Variants in FBXO11 observed in about 807,000 individuals in gnomAD.
FBXO11 encodes F-box only protein 11.
A neutral mutation model predicts 117.0 loss-of-function variants in FBXO11; 13 were observed. The ratio of observed to expected loss-of-function variants is 0.11; its 90% confidence interval spans 0.07 to 0.18. The LOEUF (loss-of-function observed/expected upper bound fraction) is 0.18, where lower values mean the gene tolerates loss of function less well. Ranked by LOEUF, FBXO11 falls within the 10% of genes least tolerant of loss-of-function variation. FBXO11 has a pLI of 1.00. For missense variants in FBXO11, 767 were observed against 1,164.4 expected, an observed-to-expected ratio of 0.66 and a Z score of 4.97; for synonymous variants, 490 against 380.5, an observed-to-expected ratio of 1.29 and a Z score of -3.35.
chr2:47,885,911 C>T (rs1022793815), intron 1 of FBXO11, among the ~76,000 whole-genome samples: 2 of 151,140 alleles, frequency 1.3e-5, no homozygotes, highest in African/African-American at 2.4e-5. Context: ...TTAAGTACCC[C>T]CACTATCTCT....
At chr2:47,856,855 G>T (rs1006962839) in intron 1 of FBXO11, among the ~76,000 whole-genome samples, 2 of 152,178 alleles carry the variant, frequency 1.3e-5, no homozygotes, top group African/African-American at 4.8e-5. Context: ...CACGAATGTC[G>T]TAATACAAAG....
rs763061861 is a variant in FBXO11 at position 47,813,265 on chromosome 2, A to G, written c.2196T>C (p.Asp732=). ...CCCCATTAAATATACAGATGCCACC[A>G]TCTCTTCCATCATGGATTTTATTTC... The part of the protein sequence containing the change: ...LRRNKIHDGR[D]GGICIFNGGR... Residue 732 remains aspartate (D), a synonymous_variant, in exon 18 of 23, where the codon GAT becomes GAC. Coordinates refer to ENST00000403359, the MANE Select transcript of FBXO11 (RefSeq NM_001190274.2). 1.1e-5 allele frequency: 18 copies of G among 1,613,420 alleles called. No homozygotes were observed. The highest frequency in any genetic ancestry group is 1.5e-5 in the Non-Finnish European group (18 of 1,179,690).
At chr2:47,813,083 G>T in intron 18 of FBXO11, 151 bp downstream of exon 18, 2 of 796,328 alleles carry the variant, frequency 2.5e-6, no homozygotes, top group Non-Finnish European at 4.4e-6. Context: ...TTAACTCTAG[G>T]CACTAATCTC....
intron 1 of FBXO11, among the ~76,000 whole-genome samples, chr2:47,893,671 A>C (rs1052732328): frequency 2.6e-5 from 4 of 152,240 alleles, no homozygotes; most frequent in Non-Finnish European, 2.9e-5. Context: ...TAACAAATTC[A>C]AACCTTGCTG....
Position 47,905,620 on chromosome 2 carries a change from T to TGCG in FBXO11, c.98_100dup (p.Pro33dup), listed in dbSNP as rs774225364. The TGCG allele has an allele frequency of 4.4e-6, 6 of 1,369,200 alleles. No individual in the cohort carries two copies. The highest frequency in any genetic ancestry group is 1.7e-5 in the South Asian group (1 of 59,702). The allele number at this position is 1,369,200 out of a possible 1,614,324, so 84.8% of individuals were successfully genotyped here. A position where few individuals can be genotyped will look rare whatever the true frequency, so the allele number is the denominator to read the frequency against. ...CTGGGGCGGCTGCTGCTGGGGCGGC[T>TGCG]GCGGCGGCGGCTGCTGCGGGGGCTG... On this transcript the variant is annotated inframe_insertion, in exon 1 of 23. Transcript: ENST00000403359.
At chr2:47,868,771 C>A (rs1675390742) in intron 1 of FBXO11, among the ~76,000 whole-genome samples, 1 of 152,258 alleles carries the variant, frequency 6.6e-6, no homozygotes, top group South Asian at 2.1e-4. Context: ...GCAGCAGAGG[C>A]CAATACTTAG....
intron 1 of FBXO11, among the ~76,000 whole-genome samples, chr2:47,887,283 T>G (rs946299098): frequency 7.5e-5 from 11 of 147,498 alleles, no homozygotes; most frequent in Non-Finnish European, 1.5e-4. Flanking sequence ...GAAACTCCGT[T>G]TCAAAAAAAA....
rs917637262 is a variant in FBXO11, at chr2:47,819,890, C to T, written c.1797+472G>A. Among the ~76,000 whole-genome samples, 12 of 152,070 alleles carry T rather than the reference C, an allele frequency of 7.9e-5. No homozygotes were observed. The South Asian group carries it at 1.9e-3, about 24-fold the overall frequency. On this transcript the variant is annotated intron_variant, in intron 14 of 22. Coordinates refer to ENST00000403359, the MANE Select transcript of FBXO11 (RefSeq NM_001190274.2). ...TACATTTTCTTACTTGAATCAGTTG[C>T]AAAATTTTAGATACCATGAGTGAAG...
At chr2:47,890,748 G>A (rs1372695583) in intron 1 of FBXO11, among the ~76,000 whole-genome samples, 2 of 151,904 alleles carry the variant, frequency 1.3e-5, no homozygotes, top group African/African-American at 4.8e-5. Flanking sequence ...AGGTTGCAGT[G>A]AGCCAAGACT....
chr2:47,814,767 T>C (rs1170521252), intron 16 of FBXO11, among the ~76,000 whole-genome samples: 1 of 152,268 alleles, frequency 6.6e-6, no homozygotes, highest in African/African-American at 2.4e-5. Context: ...GCATGCAATG[T>C]TGTTATAGCA....
intron 1 of FBXO11, among the ~76,000 whole-genome samples, chr2:47,842,233 C>T (rs1283032617): frequency 6.6e-6 from 1 of 151,788 alleles, no homozygotes; most frequent in African/African-American, 2.4e-5. Flanking sequence ...CCAGGATGGT[C>T]TTCATCTCTT....
chr2:47,823,166 G>A lies in FBXO11; in HGVS notation c.1593C>T (p.Thr531=), dbSNP rs770803012. 14 of 1,612,662 alleles carry A rather than the reference G, an allele frequency of 8.7e-6. No homozygotes were observed. Among genetic ancestry groups the A allele is most frequent in the African/African-American group, 2.7e-5 (2 of 74,852 alleles). ...YANNFAGVWI[T]SNSDPTIRGN... ...ACCTTATTGTTGGGTCACTATTTGA[G>A]GTAATCCATACACCTGCAAAGTTGT... is the stretch of plus-strand genomic sequence containing the variant. Residue 531 remains threonine, a synonymous_variant, in exon 12 of 23, where the codon ACC becomes ACT. Transcript: ENST00000403359.
intron 1 of FBXO11, among the ~76,000 whole-genome samples, chr2:47,890,783 G>A (rs1434253577): frequency 1.3e-5 from 2 of 151,652 alleles, no homozygotes; most frequent in South Asian, 2.1e-4. Context: ...CAGTCTGGGC[G>A]ACAGAGCGAG....
intron 20 of FBXO11, 83 bp downstream of exon 20, chr2:47,809,517 A>T: frequency 1.0e-6 from 1 of 984,184 alleles, no homozygotes; most frequent in Non-Finnish European, 1.5e-6. Context: ...AGAGTGACAT[A>T]AGGAATCAAG....
At chr2:47,817,592 T>A (rs914287195) in intron 16 of FBXO11, among the ~76,000 whole-genome samples, 1 of 152,220 alleles carries the variant, frequency 6.6e-6, no homozygotes, top group Non-Finnish European at 1.5e-5. Context: ...CTAACCTTCA[T>A]CATTTCTAGC....
At chr2:47,899,269 G>C (rs1201070613) in intron 1 of FBXO11, among the ~76,000 whole-genome samples, 7 of 116,096 alleles carry the variant, frequency 6.0e-5, no homozygotes, top group African/African-American at 1.3e-4. Flanking sequence ...GCAAGACTCC[G>C]TCTCAAAAAA....
At chr2:47,842,052 G>A (rs1673052058) in intron 1 of FBXO11, among the ~76,000 whole-genome samples, 1 of 146,162 alleles carries the variant, frequency 6.8e-6, no homozygotes, top group African/African-American at 2.5e-5. Flanking sequence ...GTCTCGCCCT[G>A]TTGCCCAGGC....
At chr2:47,836,296 C>T (rs978968724) in intron 4 of FBXO11, among the ~76,000 whole-genome samples, 2 of 152,098 alleles carry the variant, frequency 1.3e-5, no homozygotes, top group African/African-American at 4.8e-5. Context: ...CAGCTAAAAA[C>T]AGGATTTAAA....
chr2:47,836,628 T>G (rs1025798826), intron 4 of FBXO11, among the ~76,000 whole-genome samples: 5 of 151,802 alleles, frequency 3.3e-5, no homozygotes, highest in Non-Finnish European at 7.4e-5. Flanking sequence ...AAATTAGTTT[T>G]CCTGCAAAAA....
Sources: gnomAD v4.1 joint callset for allele counts (sites outside exome capture counted in the v4.1 genomes callset) on GRCh38, gnomAD v4.1.1 for gene constraint, MANE v1.5 for transcripts, NCBI Gene and HGNC (gene_info 2026-07-23, HGNC 2026-07-21) for gene names.